Variants in PXDNL observed in about 807,000 individuals in gnomAD.
PXDNL encodes peroxidasin like.
A neutral mutation model predicts 150.8 loss-of-function variants in PXDNL; 145 were observed. The observed-to-expected ratio is 0.96, with a 90% CI of 0.84 to 1.10. The LOEUF is 1.10. Ranked by LOEUF, PXDNL falls within the 50% of genes least tolerant of loss-of-function variation. The pLI is 0.00. For missense variants in PXDNL, 2,087 were observed against 1,873.9 expected (o/e 1.11, Z -2.10); for synonymous variants, 757 against 725.7 (o/e 1.04, Z -0.69).
chr8:51,625,241 T>A (rs1814340401), intron 2 of PXDNL, among the ~76,000 whole-genome samples: 1 of 152,144 alleles, frequency 6.6e-6, no homozygotes, highest in South Asian at 2.1e-4. Context: ...TTCGTTAGCA[T>A]CCTTAAGATG....
chr8:51,675,905 A>T (rs1815611274), intron 1 of PXDNL, among the ~76,000 whole-genome samples: 1 of 152,160 alleles, frequency 6.6e-6, no homozygotes, highest in African/African-American at 2.4e-5. Context: ...TTCAGTCAAT[A>T]TAGAAAGCAG....
At chr8:51,717,512 C>T (rs925207093) in intron 1 of PXDNL, among the ~76,000 whole-genome samples, 4 of 152,212 alleles carry the variant, frequency 2.6e-5, no homozygotes, top group Admixed American at 6.5e-5. Context: ...AGGTGCTCCA[C>T]GAATGCTAAC....
intron 4 of PXDNL, among the ~76,000 whole-genome samples, chr8:51,509,773 CAAAT>C (rs2130337870): frequency 7.0e-6 from 1 of 142,908 alleles, no homozygotes; most frequent in South Asian, 2.3e-4. Flanking sequence ...CACACACACA[CAAAT>C]ATATACACAC....
intron 5 of PXDNL, among the ~76,000 whole-genome samples, chr8:51,487,916 T>A (rs1222165166): frequency 6.6e-6 from 1 of 152,204 alleles, no homozygotes; most frequent in African/African-American, 2.4e-5. Context: ...ATTCTAGGCA[T>A]TGTGCTGCTC....
At chr8:51,756,980 A>G (rs1222389103) in intron 1 of PXDNL, among the ~76,000 whole-genome samples, 2 of 152,188 alleles carry the variant, frequency 1.3e-5, no homozygotes, top group African/African-American at 4.8e-5. Context: ...AAAGTTTTAT[A>G]TTGGTGATTA....
chr8:51,406,017 C>G lies in PXDNL; in HGVS notation c.3557+2050G>C, dbSNP rs146287022. ...CAATGAAGTCTCCCCAGCTGCTGTCCGTCTGAAAGGCCACTCATACTTCAC... is the reference window on the plus strand; with the variant it reads ...CAATGAAGTCTCCCCAGCTGCTGTCGGTCTGAAAGGCCACTCATACTTCAC... On this transcript the variant is annotated intron_variant, in intron 17 of 22. Coordinates refer to ENST00000356297, the MANE Select transcript of PXDNL (RefSeq NM_144651.5). Among the ~76,000 whole-genome samples, 11 of 152,200 alleles carry G rather than the reference C, an allele frequency of 7.2e-5. No individual in the cohort carries two copies. The East Asian group carries it at 2.1e-3, about 29-fold the overall frequency.
At chr8:51,546,197 G>T (rs372379998) in intron 4 of PXDNL, among the ~76,000 whole-genome samples, 2 of 152,198 alleles carry the variant, frequency 1.3e-5, no homozygotes, top group Non-Finnish European at 2.9e-5. Flanking sequence ...ATTGTTAGAG[G>T]GGGAAAATTC....
chr8:51,721,567 G>C (rs530780637), intron 1 of PXDNL: 93 of 245,034 alleles, frequency 3.8e-4, no homozygotes, highest in African/African-American at 2.0e-3. Flanking sequence ...ACACCAACAT[G>C]GCACATGTAT....
intron 1 of PXDNL, among the ~76,000 whole-genome samples, chr8:51,802,529 C>G (rs2037632193): frequency 6.6e-6 from 1 of 152,078 alleles, no homozygotes; most frequent in African/African-American, 2.4e-5. Context: ...TTATGTGTGG[C>G]CCAAGACAAT....
At chr8:51,429,994 G>C (rs963924263) in intron 12 of PXDNL, among the ~76,000 whole-genome samples, 3 of 152,102 alleles carry the variant, frequency 2.0e-5, no homozygotes, top group African/African-American at 7.2e-5. Flanking sequence ...ATGAGAACCA[G>C]GGTCAGCCTA....
At chr8:51,407,222 T>G (rs573191709) in intron 17 of PXDNL, among the ~76,000 whole-genome samples, 4 of 152,334 alleles carry the variant, frequency 2.6e-5, no homozygotes, top group Admixed American at 1.3e-4. Context: ...ATTACACATT[T>G]TCACAGTTTG....
intron 1 of PXDNL, among the ~76,000 whole-genome samples, chr8:51,745,608 T>A (rs184495882): frequency 1.1e-4 from 17 of 152,286 alleles, no homozygotes; most frequent in African/African-American, 3.8e-4. Context: ...CATGTCTCCT[T>A]TCAGGCCGTG....
chr8:51,672,883 C>T (rs1028724622), intron 1 of PXDNL, among the ~76,000 whole-genome samples: 12 of 151,950 alleles, frequency 7.9e-5, no homozygotes, highest in African/African-American at 2.4e-4. Context: ...GAAAATTCAC[C>T]AATTTTAAGA....
At chr8:51,712,808 C>T (rs1395070297) in intron 1 of PXDNL, among the ~76,000 whole-genome samples, 1 of 152,154 alleles carries the variant, frequency 6.6e-6, no homozygotes, top group Non-Finnish European at 1.5e-5. Context: ...TCCTTTCAAA[C>T]TTCTGTTTTG....
chr8:51,480,520 A>G (rs949054362), intron 6 of PXDNL, among the ~76,000 whole-genome samples: 2 of 152,192 alleles, frequency 1.3e-5, no homozygotes, highest in South Asian at 4.1e-4. Flanking sequence ...TGAACCTCCC[A>G]TCACGCCCCA....
chr8:51,713,087 T>G (rs1816532878), intron 1 of PXDNL, among the ~76,000 whole-genome samples: 1 of 152,224 alleles, frequency 6.6e-6, no homozygotes, highest in African/African-American at 2.4e-5. Flanking sequence ...TATTTGGAGT[T>G]TAAATATGTC....
At chr8:51,780,449 T>TA (rs965297524) in intron 1 of PXDNL, among the ~76,000 whole-genome samples, 3 of 152,126 alleles carry the variant, frequency 2.0e-5, no homozygotes, top group African/African-American at 7.2e-5. Flanking sequence ...AACACTGTTC[T>TA]AGGAGACAGT....
chr8:51,504,214 C>T (rs12541517), intron 4 of PXDNL, among the ~76,000 whole-genome samples: 28,801 of 152,098 alleles, frequency 0.19, 2,921 homozygotes, highest in Middle Eastern at 0.24. Context: ...ACTGGTCTGC[C>T]TACATCTATC....
intron 17 of PXDNL, among the ~76,000 whole-genome samples, chr8:51,377,244 G>A (rs990012722): frequency 1.5e-5 from 2 of 132,962 alleles, no homozygotes; most frequent in Non-Finnish European, 3.3e-5. Flanking sequence ...TGGTGCTGGA[G>A]TTTTTCCTTC....
Sources: allele counts gnomAD v4.1 joint callset (sites outside exome capture counted in the v4.1 genomes callset), GRCh38; gene constraint gnomAD v4.1.1; transcripts MANE v1.5; gene names NCBI Gene and HGNC (gene_info 2026-07-23, HGNC 2026-07-21).